Variants in KLHL5 observed in about 807,000 individuals in gnomAD.
KLHL5 encodes the protein kelch-like protein 5.
A neutral mutation model predicts 77.7 loss-of-function variants in KLHL5; 48 were observed. The observed-to-expected ratio is 0.62, with a 90% CI of 0.49 to 0.79. KLHL5 has a LOEUF of 0.79. Among genes scored for constraint, KLHL5 ranks in the 30% least tolerant of loss-of-function variants. The pLI is 0.00. For missense variants in KLHL5, 723 were observed against 859.7 expected, an observed-to-expected ratio of 0.84 and a Z score of 1.99; for synonymous variants, 260 against 297.0, an observed-to-expected ratio of 0.88 and a Z score of 1.28.
rs377475503 is a variant in KLHL5 at position 39,115,273 on chromosome 4, A to G, written c.2016A>G (p.Gly672=). 2 of 1,614,002 alleles carry G rather than the reference A, an allele frequency of 1.2e-6. No individual in the cohort carries two copies. The highest frequency in any genetic ancestry group is 2.7e-5 in the African/African-American group (2 of 75,038). The change falls in exon 10 of 11, where the codon GGA becomes GGG. Residue 672 remains glycine, a synonymous_variant. Transcript: ENST00000504108. ...TATATGCTGTTGGGGGGTATGATGG[A>G]CAGGCATACCTTAATACTGTGGAGG... ...DKLYAVGGYD[G]QAYLNTVEAY...
chr4:39,062,240 G>T lies in KLHL5; in HGVS notation c.-413G>T, dbSNP rs932323927. 8.1e-7 allele frequency: 1 copy of T among 1,241,450 alleles called. No individual in the cohort carries two copies. The highest frequency in any genetic ancestry group is 4.0e-5 in the East Asian group (1 of 25,074). 76.9% of individuals were successfully genotyped at this position (1,241,450 alleles called of 1,614,324 possible). A position where few individuals can be genotyped will look rare whatever the true frequency, so the allele number is the denominator to read the frequency against. ...GCAGCAGAGACTGAGATACTGCAAC[G>T]GGGATAGTGTTTTCTGTCTCTGTCA... On this transcript the variant is annotated 5_prime_UTR_variant, in exon 1 of 11. Transcript: ENST00000504108.
intron 6 of KLHL5, among the ~76,000 whole-genome samples, chr4:39,099,909 A>G (rs1277306936): frequency 6.6e-6 from 1 of 152,194 alleles, no homozygotes; most frequent in East Asian, 1.9e-4. Flanking sequence ...GCAAATACTT[A>G]TTAAGTATCA....
chr4:39,128,006 C>A (rs1040793357), downstream of KLHL5, among the ~76,000 whole-genome samples: 3 of 152,116 alleles, frequency 2.0e-5, no homozygotes, highest in Admixed American at 6.6e-5. Context: ...GTGAGTTAAT[C>A]CAATAGAGAA....
intron 7 of KLHL5, among the ~76,000 whole-genome samples, chr4:39,106,979 A>G (rs967108990): frequency 2.7e-5 from 4 of 149,024 alleles, no homozygotes; most frequent in African/African-American, 9.9e-5. Context: ...AGATCCTTCC[A>G]CCTTGGCCTC....
the KLHL5 span, among the ~76,000 whole-genome samples, chr4:39,133,568 T>TAA: frequency 2.6e-4 from 35 of 133,922 alleles, no homozygotes; most frequent in East Asian, 6.1e-3. Context: ...CCCCATTTCC[T>TAA]AAAAAAAAAA....
chr4:39,055,055 G>C (rs1352617997), intron 1 of KLHL5, among the ~76,000 whole-genome samples: 1 of 152,190 alleles, frequency 6.6e-6, no homozygotes, highest in African/African-American at 2.4e-5. Flanking sequence ...CTATATAAAT[G>C]AGTTATTTTA....
chr4:39,100,125 G>T (rs73132951), intron 6 of KLHL5, among the ~76,000 whole-genome samples: 22 of 152,254 alleles, frequency 1.4e-4, no homozygotes, highest in African/African-American at 5.1e-4. Flanking sequence ...CATGGAAAGG[G>T]AAGGAAACTT....
intron 7 of KLHL5, among the ~76,000 whole-genome samples, chr4:39,104,445 C>T (rs530449939): frequency 1.3e-5 from 2 of 152,108 alleles, no homozygotes; most frequent in South Asian, 2.1e-4. Context: ...GAGTCAACTG[C>T]GTGCTTCCCC....
intron 4 of KLHL5, 51 bp downstream of exon 4, chr4:39,082,210 TA>T: frequency 7.1e-7 from 1 of 1,404,404 alleles, no homozygotes; most frequent in East Asian, 2.4e-5. Context: ...GCATATTTCT[TA>T]TTGTTGCAGG....
chr4:39,123,976 A>C lies in KLHL5; in HGVS notation c.*2910A>C, dbSNP rs1416779827. Among the ~76,000 whole-genome samples, 1 of 152,152 alleles carries C rather than the reference A, an allele frequency of 6.6e-6. No homozygotes were observed. Among genetic ancestry groups the C allele is most frequent in the East Asian group, 1.9e-4 (1 of 5,202 alleles). On this transcript the variant is annotated 3_prime_UTR_variant, in exon 11 of 11. Coordinates refer to ENST00000504108, the MANE Select transcript of KLHL5 (RefSeq NM_015990.5). ...ACAAAATGATTCCGGCTGATTTTAA[A>C]AATTCAGCAATGTTGCAGGTTGCAA...
intron 1 of KLHL5, among the ~76,000 whole-genome samples, chr4:39,053,886 G>C (rs1716829829): frequency 6.6e-6 from 1 of 152,148 alleles, no homozygotes; most frequent in African/African-American, 2.4e-5. Context: ...CCAGTACTTT[G>C]TAAGAAACAG....
chr4:39,098,824 A>G (rs1436100423), intron 6 of KLHL5, among the ~76,000 whole-genome samples: 1 of 152,010 alleles, frequency 6.6e-6, no homozygotes, highest in African/African-American at 2.4e-5. Context: ...TCGGCCTTCC[A>G]AAGTGCTGGC....
At position 39,081,750 on chromosome 4, in the gene KLHL5, A is replaced by G. The variant is rs562110157; in HGVS notation, c.704-213A>G. Among the ~76,000 whole-genome samples the G allele has an allele frequency of 6.6e-6, 1 of 152,222 alleles. No individual in the cohort carries two copies. The highest frequency in any genetic ancestry group is 1.5e-5 in the Non-Finnish European group (1 of 68,016). On this transcript the variant is annotated intron_variant, in intron 3 of 10. Transcript: ENST00000504108. The surrounding 1 kb of genome is among the most constrained non-coding windows in gnomAD (Gnocchi z 4.3). ...CGTATCATTTTAAAATTCTGAAAATAAGCCATTAGTTTTTATTTTAGTAGA... is the reference window on the plus strand; with the variant it reads ...CGTATCATTTTAAAATTCTGAAAATGAGCCATTAGTTTTTATTTTAGTAGA...
chr4:39,132,619 A>G, the KLHL5 span, among the ~76,000 whole-genome samples: 2 of 152,110 alleles, frequency 1.3e-5, no homozygotes, highest in Non-Finnish European at 1.5e-5. Context: ...AAGAAAAAAA[A>G]AAAAGAAAGG....
chr4:39,130,698 G>A (rs542707825), downstream of KLHL5, among the ~76,000 whole-genome samples: 17 of 152,268 alleles, frequency 1.1e-4, no homozygotes, highest in South Asian at 6.2e-4. Context: ...CAATGGTGCC[G>A]TAGGCTCCTC....
intron 2 of KLHL5, among the ~76,000 whole-genome samples, chr4:39,080,037 T>C (rs992964295): frequency 2.6e-5 from 4 of 152,184 alleles, no homozygotes; most frequent in African/African-American, 9.7e-5. Flanking sequence ...TCTAAATTGG[T>C]ACCTTACTTT....
chr4:39,096,463 C>T (rs1721077273), intron 5 of KLHL5, among the ~76,000 whole-genome samples: 1 of 152,072 alleles, frequency 6.6e-6, no homozygotes, highest in Admixed American at 6.5e-5. Context: ...GAGATAAGCA[C>T]TACAGTACTA....
the KLHL5 span, among the ~76,000 whole-genome samples, chr4:39,133,634 A>C: frequency 6.6e-6 from 1 of 152,096 alleles, no homozygotes; most frequent in African/African-American, 2.4e-5. Context: ...AAAGTTCCCA[A>C]ACAAATACAT....
chr4:39,062,915 CT>C lies in KLHL5; in HGVS notation c.264del (p.Glu89LysfsTer80), dbSNP rs760104447. On this transcript the variant is annotated frameshift_variant, in exon 1 of 11. Coordinates refer to ENST00000504108, the MANE Select transcript of KLHL5 (RefSeq NM_015990.5). LOFTEE classifies it high-confidence loss of function. Reference protein sequence around the residue: ...NSPSWPMASTSEVPAFEFTAE... With the variant: ...NSPSWPMASTXEVPAFEFTAE... ...CCTTCTTGGCCAATGGCATCCACCT[CT>C]GAAGTCCCTGCATTTGAGTTTACAG... 6.2e-7 allele frequency: 1 copy of C among 1,614,192 alleles called. No individual in the cohort carries two copies. Among genetic ancestry groups the C allele is most frequent in the South Asian group, 1.1e-5 (1 of 91,090 alleles).
Sources: gnomAD v4.1 joint callset for allele counts (sites outside exome capture counted in the v4.1 genomes callset) on GRCh38, gnomAD v4.1.1 for gene constraint, Gnocchi (gnomAD v3.1) non-coding constraint, MANE v1.5 for transcripts, NCBI Gene and HGNC (gene_info 2026-07-23, HGNC 2026-07-21) for gene names.